Variants in RRBP1 observed in about 807,000 individuals in gnomAD.
The protein encoded by RRBP1 is ribosome binding protein 1.
A neutral mutation model predicts 165.2 loss-of-function variants in RRBP1; 94 were observed. The observed-to-expected ratio is 0.57, with a 90% confidence interval of 0.48 to 0.68. RRBP1 has a LOEUF of 0.68. Among genes scored for constraint, RRBP1 ranks in the 30% least tolerant of loss-of-function variants. RRBP1 has a pLI of 0.00. For synonymous variants in RRBP1, 680 were observed against 714.5 expected, an observed-to-expected ratio of 0.95 and a Z score of 0.77; for missense variants, 1,676 against 1,763.0, an observed-to-expected ratio of 0.95 and a Z score of 0.88.
rs79821381 is a variant in RRBP1 at position 17,617,846 on chromosome 20, G to A, written c.3759+750C>T. ...TTCTCCCTGTTGACAACTAATTCAA[G>A]ATTTAAAAAAACACCGCAGATCAAA... On this transcript the variant is annotated intron_variant, in intron 20 of 24. Coordinates refer to ENST00000377813, the MANE Select transcript of RRBP1 (RefSeq NM_001365613.2). Among the ~76,000 whole-genome samples the A allele has an allele frequency of 5.0e-3, 766 of 152,340 alleles. 4 individuals carry two copies. Among genetic ancestry groups the A allele is most frequent in the African/African-American group, 0.017 (725 of 41,580 alleles).
intron 3 of RRBP1, among the ~76,000 whole-genome samples, chr20:17,648,531 G>A (rs1479286969): frequency 2.0e-5 from 3 of 152,248 alleles, no homozygotes; most frequent in Admixed American, 6.5e-5. Context: ...GGTCACATCC[G>A]CAGCTTTAAG....
In RRBP1 at chr20:17,621,494, G is replaced by A. The variant is rs145465056; in HGVS notation, c.3378C>T (p.Ala1126=). The A allele has an allele frequency of 2.0e-5, 33 of 1,612,656 alleles. No individual in the cohort carries two copies. The highest frequency in any genetic ancestry group is 4.0e-5 in the African/African-American group (3 of 74,926). Residue 1126 remains alanine (A), a synonymous_variant, in exon 16 of 25, where the codon GCC becomes GCT. Coordinates refer to ENST00000377813, the MANE Select transcript of RRBP1 (RefSeq NM_001365613.2). ...EAEETQSTLQ[A]ECDQYRSILA... is the part of the protein sequence containing the mutation. The stretch of plus-strand genomic sequence containing the variant: ...GGATGCTGCGGTACTGGTCACACTC[G>A]GCCTGCAGTGTGCTCTGCGTCTCCT...
chr20:17,627,364 C>A lies in RRBP1; in HGVS notation c.2947G>T (p.Asp983Tyr). The change falls in exon 11 of 25, where the codon GAC becomes TAC. Residue 983 changes from aspartate (D) to tyrosine (Y), a missense_variant. Asp to Tyr is a radical substitution (Grantham distance 160, BLOSUM62 -3). Coordinates refer to ENST00000377813, the MANE Select transcript of RRBP1 (RefSeq NM_001365613.2). ...CCAGCTTACCGAGTCTGCTGCTGGT[C>A]AGCCTCCGCCTGGCTGGCCTGGAAT... ...QDVQASQAEA[D>Y]QQQTRLKELE... 1 of 1,613,778 alleles carries A rather than the reference C, an allele frequency of 6.2e-7. No homozygotes were observed. The highest frequency in any genetic ancestry group is 1.1e-5 in the South Asian group (1 of 90,986).
At chr20:17,641,677 C>T (rs749099981) in intron 5 of RRBP1, 120 bp downstream of exon 5, 3 of 1,262,784 alleles carry the variant, frequency 2.4e-6, no homozygotes, top group Non-Finnish European at 3.4e-6. Context: ...AGCAGCCTGA[C>T]AGCCAGCTAC....
At chr20:17,675,408 A>G (rs1351609809) in intron 2 of RRBP1, among the ~76,000 whole-genome samples, 1 of 152,196 alleles carries the variant, frequency 6.6e-6, no homozygotes, top group African/African-American at 2.4e-5. Flanking sequence ...TGCCCTCGAC[A>G]CTGGATATAC....
At chr20:17,646,245 G>A (rs969352119) in intron 3 of RRBP1, among the ~76,000 whole-genome samples, 5 of 152,194 alleles carry the variant, frequency 3.3e-5, no homozygotes, top group African/African-American at 9.7e-5. Flanking sequence ...CAAGAGCCTG[G>A]AAACGAGATT....
chr20:17,653,358 G>C (rs1328693230), intron 3 of RRBP1, among the ~76,000 whole-genome samples: 1 of 152,252 alleles, frequency 6.6e-6, no homozygotes, highest in Non-Finnish European at 1.5e-5. Flanking sequence ...CACGCCACCT[G>C]GCAGTGGCTT....
intron 8 of RRBP1, among the ~76,000 whole-genome samples, chr20:17,633,216 C>T (rs999287660): frequency 2.0e-5 from 3 of 152,224 alleles, no homozygotes; most frequent in Non-Finnish European, 4.4e-5. Flanking sequence ...TGAGTTAACG[C>T]TTGAAAATGC....
chr20:17,660,322 C>G lies in RRBP1; in HGVS notation c.186G>C (p.Lys62Asn). The G allele has an allele frequency of 6.2e-7, 1 of 1,611,924 alleles. No homozygotes were observed. Among genetic ancestry groups the G allele is most frequent in the Admixed American group, 1.7e-5 (1 of 59,572 alleles). The stretch of plus-strand genomic sequence containing the variant: ...TTCCTTTCTTCTCCACTGTTTTCTC[C>G]TTCTTTTTCTTCTCGACTTTCTGGT... ...THHQKVEKKK[K>N]EKTVEKKGKT... is the part of the protein sequence containing the mutation. The change falls in exon 3 of 25, where the codon AAG (lysine) becomes AAC (asparagine). Residue 62 changes from lysine to asparagine, a missense_variant. Coordinates refer to ENST00000377813, the MANE Select transcript of RRBP1 (RefSeq NM_001365613.2).
chr20:17,624,431 C>T (rs958281187), intron 13 of RRBP1, 145 bp downstream of exon 13: 6 of 649,646 alleles, frequency 9.2e-6, no homozygotes, highest in East Asian at 5.5e-5. Context: ...TGCTTCTATG[C>T]GTTCCTAGTG....
intron 8 of RRBP1, among the ~76,000 whole-genome samples, chr20:17,630,364 T>A (rs111649703): frequency 3.3e-4 from 51 of 152,296 alleles, no homozygotes; most frequent in Middle Eastern, 3.4e-3. Flanking sequence ...CAGCTCCACA[T>A]GTTACACACA....
chr20:17,648,715 C>T (rs1233124779), intron 3 of RRBP1, among the ~76,000 whole-genome samples: 1 of 152,178 alleles, frequency 6.6e-6, no homozygotes, highest in Non-Finnish European at 1.5e-5. Flanking sequence ...CTGTTTTCCT[C>T]TTTAAAGTTT....
At chr20:17,640,114 C>A (rs1252681257) in intron 5 of RRBP1, among the ~76,000 whole-genome samples, 1 of 152,202 alleles carries the variant, frequency 6.6e-6, no homozygotes, top group Non-Finnish European at 1.5e-5. Context: ...TCACTGGCGG[C>A]CTGCTAGGCT....
chr20:17,621,054 ATGCTTGTTAC>A (rs1477888161), intron 16 of RRBP1, among the ~76,000 whole-genome samples: 1 of 152,086 alleles, frequency 6.6e-6, no homozygotes, highest in Non-Finnish European at 1.5e-5. Flanking sequence ...GACCACTAGG[ATGCTTGTTAC>A]TGCCGGGGTT....
At chr20:17,640,087 T>C (rs2036323717) in intron 5 of RRBP1, among the ~76,000 whole-genome samples, 1 of 152,124 alleles carries the variant, frequency 6.6e-6, no homozygotes, top group African/African-American at 2.4e-5. Context: ...GGCCTGGCCC[T>C]CTCAGTGGCC....
At chr20:17,614,407 G>A (rs2035751673) in intron 24 of RRBP1, among the ~76,000 whole-genome samples, 187 bp from the exon 25 acceptor site, 1 of 152,150 alleles carries the variant, frequency 6.6e-6, no homozygotes, top group Non-Finnish European at 1.5e-5. Context: ...GAGCTGAGGG[G>A]AAACCATCAT....
chr20:17,665,394 CA>C lies in RRBP1; in HGVS notation c.-21-4867del, dbSNP rs549903379. ...GTTTATTCTTTTTGTTTTTTTGAGACAAAGTCTCTCTCTGTTGCCCAGGCTG... is the reference window on the plus strand; with the variant it reads ...GTTTATTCTTTTTGTTTTTTTGAGACAAGTCTCTCTCTGTTGCCCAGGCTG... On this transcript the variant is annotated intron_variant, in intron 2 of 24. Coordinates refer to ENST00000377813, the MANE Select transcript of RRBP1 (RefSeq NM_001365613.2). 1.3e-4 allele frequency among the ~76,000 whole-genome samples: 20 copies of C among 152,178 alleles called. 2 individuals carry two copies. In the South Asian group the frequency reaches 4.1e-3, roughly 32 times the overall value.
chr20:17,651,292 A>G (rs1218810400), intron 3 of RRBP1, among the ~76,000 whole-genome samples: 2 of 152,232 alleles, frequency 1.3e-5, no homozygotes, highest in African/African-American at 4.8e-5. Context: ...TGGGCCTCTC[A>G]TCGTAAATTG....
intron 5 of RRBP1, among the ~76,000 whole-genome samples, chr20:17,641,039 C>T (rs559285859): frequency 1.3e-5 from 2 of 152,282 alleles, no homozygotes; most frequent in African/African-American, 4.8e-5. Context: ...TTCAACAGGG[C>T]CTGACCAGTC....
Sources: allele counts gnomAD v4.1 joint callset (sites outside exome capture counted in the v4.1 genomes callset), GRCh38; gene constraint gnomAD v4.1.1; transcripts MANE v1.5; gene names NCBI Gene and HGNC (gene_info 2026-07-23, HGNC 2026-07-21).